The following SNRPA variants were observed in gnomAD, a reference collection of about 807,000 sequenced individuals.
SNRPA encodes small nuclear ribonucleoprotein polypeptide A.
In SNRPA, 10 loss-of-function variants were observed where a neutral mutation model predicts 24.5. The observed-to-expected ratio is 0.41, with a 90% CI of 0.25 to 0.69. The LOEUF is 0.69. SNRPA is among the 30% of genes least tolerant of loss of function. SNRPA has a pLI of 0.33. For synonymous variants in SNRPA, 165 were observed against 148.4 expected, an observed-to-expected ratio of 1.11 and a Z score of -0.81; for missense variants, 283 against 394.7, an observed-to-expected ratio of 0.72 and a Z score of 2.40.
At chr19:40,763,512 A>T (rs1327231442) in intron 4 of SNRPA, 75 bp from the exon 5 acceptor site, 8 of 1,088,174 alleles carry the variant, frequency 7.4e-6, no homozygotes, top group Admixed American at 1.7e-5. Flanking sequence ...TGAGGGATGG[A>T]GGAAGTGGCA....
intron 3 of SNRPA, among the ~76,000 whole-genome samples, chr19:40,760,719 G>A (rs2082927766): frequency 6.6e-6 from 1 of 152,112 alleles, no homozygotes; most frequent in Admixed American, 6.5e-5. Context: ...TAGGAGGATT[G>A]CTTTAGGTCA....
In SNRPA at chr19:40,764,962, G is replaced by A. The variant is rs557978507; in HGVS notation, c.690-46G>A. The A allele has an allele frequency of 1.7e-5, 25 of 1,484,486 alleles. No individual in the cohort carries two copies. The South Asian group carries it at 2.1e-4, about 12-fold the overall frequency. The allele number at this position is 1,484,486 out of a possible 1,614,324, so 92.0% of individuals were successfully genotyped here. On this transcript the variant is annotated intron_variant, in intron 5 of 5. Transcript: ENST00000243563. ...GCCTCTGTCCACTTGATGCCGTTAC[G>A]TTAGGGGGAAATGCTGAGTCCCTGA...
intron 3 of SNRPA, among the ~76,000 whole-genome samples, chr19:40,761,458 CTTTTTTTTTTTTTT>C (rs200242370): frequency 1.2e-5 from 1 of 85,874 alleles, no homozygotes; most frequent in South Asian, 4.6e-4. Flanking sequence ...TTTTCTTTTT[CTTTTTTTTTTTTTT>C]TTTTTTTTTT....
intron 1 of SNRPA, among the ~76,000 whole-genome samples, chr19:40,753,382 ATGTTTTTTTTTTTTT>A (rs2082892898): frequency 1.6e-5 from 1 of 62,184 alleles, no homozygotes. Context: ...AATTTTGCAT[ATGTTTTTTTTTTTTT>A]TTTTTTTTTT....
At chr19:40,763,967 T>C (rs897452452) in intron 5 of SNRPA, among the ~76,000 whole-genome samples, 6 of 152,058 alleles carry the variant, frequency 3.9e-5, no homozygotes, top group African/African-American at 1.5e-4. Context: ...GCCCCTAAAA[T>C]GGGGGCATGC....
intron 1 of SNRPA, 56 bp downstream of exon 1, chr19:40,751,537 T>C: frequency 8.1e-7 from 1 of 1,240,974 alleles, no homozygotes; most frequent in Non-Finnish European, 1.2e-6. Context: ...TGGCCCCTCT[T>C]CCGTCCCCTG....
rs542629796 is a variant in SNRPA at position 40,760,989 on chromosome 19, G to A, written c.426+1379G>A. On this transcript the variant is annotated intron_variant, in intron 3 of 5. Coordinates refer to ENST00000243563, the MANE Select transcript of SNRPA (RefSeq NM_004596.5). ...TGTTTTTTTTCGGGAGGGAGTCTCA[G>A]TCAATCTGTCTCCCCAGGCTGGAAT... is the stretch of plus-strand genomic sequence containing the variant. 6.6e-5 allele frequency among the ~76,000 whole-genome samples: 10 copies of A among 151,922 alleles called. No homozygotes were observed. In the East Asian group the frequency reaches 1.9e-3, roughly 29 times the overall value.
intron 1 of SNRPA, among the ~76,000 whole-genome samples, chr19:40,755,628 G>A (rs1226306491): frequency 6.6e-6 from 1 of 151,980 alleles, no homozygotes; most frequent in Non-Finnish European, 1.5e-5. Flanking sequence ...TGCCCACCTC[G>A]GCCTCCCAGA....
intron 2 of SNRPA, among the ~76,000 whole-genome samples, chr19:40,758,011 G>A (rs1212550272): frequency 1.3e-5 from 2 of 151,690 alleles, no homozygotes; most frequent in African/African-American, 4.8e-5. Flanking sequence ...CTGTTGCCCA[G>A]GCTGGAGTGC....
chr19:40,756,803 T>G (rs960823650), intron 1 of SNRPA, among the ~76,000 whole-genome samples: 3 of 152,102 alleles, frequency 2.0e-5, no homozygotes, highest in African/African-American at 7.2e-5. Context: ...GTGGCAACAT[T>G]TCCTCTGAGA....
chr19:40,763,263 C>T lies in SNRPA; in HGVS notation c.600+189C>T, dbSNP rs186198491. On this transcript the variant is annotated intron_variant, in intron 4 of 5. Transcript: ENST00000243563. The stretch of plus-strand genomic sequence containing the variant: ...GAATTGGCATGCTGGTTGGAGGGTA[C>T]GGAAGGTTAGGGTAGGCTGGAGTGG... 5.2e-4 allele frequency: 313 copies of T among 599,122 alleles called. 1 individual carries two copies. Among genetic ancestry groups the T allele is most frequent in the South Asian group, 2.3e-3 (113 of 48,952 alleles). The allele number at this position is 599,122 out of a possible 1,614,324, so 37.1% of individuals were successfully genotyped here.
chr19:40,757,754 G>C (rs1281774650), intron 2 of SNRPA, among the ~76,000 whole-genome samples: 1 of 151,620 alleles, frequency 6.6e-6, no homozygotes, highest in African/African-American at 2.4e-5. Flanking sequence ...GCCAGCCTGG[G>C]CAACACCGTG....
intron 1 of SNRPA, among the ~76,000 whole-genome samples, chr19:40,753,745 G>T (rs2082895964): frequency 6.6e-6 from 1 of 151,634 alleles, no homozygotes; most frequent in African/African-American, 2.4e-5. Flanking sequence ...GGCAGTGCTG[G>T]GGACACATTG....
At chr19:40,757,212 CT>C (rs2082912086) in intron 1 of SNRPA, 119 bp from the exon 2 acceptor site, 1 of 884,428 alleles carries the variant, frequency 1.1e-6, no homozygotes, top group Admixed American at 2.3e-5. Context: ...ATTGTTAGGT[CT>C]TGAGAGATTA....
At chr19:40,751,563 C>A (rs1231762652) in intron 1 of SNRPA, 82 bp downstream of exon 1, 1 of 1,047,536 alleles carries the variant, frequency 9.5e-7, no homozygotes, top group Non-Finnish European at 1.5e-6. Flanking sequence ...GCCTCTCTTT[C>A]TAAGTGTTTG....
rs200242370 is a variant in SNRPA, at chr19:40,761,458, C to CTTT, written c.427-1419_427-1417dup. On this transcript the variant is annotated intron_variant, in intron 3 of 5. Transcript: ENST00000243563. ...TCTCTTTTCTTTTCTTTTTCTTTTT[C>CTTT]TTTTTTTTTTTTTTTTTTTTTTTTT... Among the ~76,000 whole-genome samples, 95 of 85,870 alleles carry CTTT rather than the reference C, an allele frequency of 1.1e-3. 9 individuals are homozygous for CTTT. Among genetic ancestry groups the CTTT allele is most frequent in the South Asian group, 1.4e-3 (3 of 2,172 alleles). The allele number at this position is 85,870 out of a possible 152,430, so 56.3% of individuals were successfully genotyped here.
rs565232710 is a variant in SNRPA at position 40,755,300 on chromosome 19, G to A, written c.74-2032G>A. 2.3e-5 allele frequency among the ~76,000 whole-genome samples: 3 copies of A among 129,654 alleles called. No homozygotes were observed. The South Asian group carries it at 7.0e-4, about 30-fold the overall frequency. The allele number at this position is 129,654 out of a possible 152,430, so 85.1% of individuals were successfully genotyped here. On this transcript the variant is annotated intron_variant, in intron 1 of 5. Transcript: ENST00000243563. ...TTTTTTTGGCATTTTTAGTCAAGAC[G>A]GGGTTTCACCGTCTTGGCCAGGCTG...
intron 1 of SNRPA, among the ~76,000 whole-genome samples, chr19:40,754,998 G>A (rs1047056690): frequency 4.0e-5 from 6 of 148,300 alleles, no homozygotes; most frequent in Non-Finnish European, 7.5e-5. Flanking sequence ...CTTGACTGCT[G>A]TCCCTGCCCC....
At position 40,757,381 on chromosome 19, in the gene SNRPA, G is replaced by A. The variant is rs777302944; in HGVS notation, c.123G>A (p.Leu41=). 1 of 1,614,084 alleles carries A rather than the reference G, an allele frequency of 6.2e-7. No individual in the cohort carries two copies. The highest frequency in any genetic ancestry group is 8.5e-7 in the Non-Finnish European group (1 of 1,180,008). Residue 41 remains leucine (L), a synonymous_variant, in exon 2 of 6, where the codon CTG becomes CTA. Coordinates refer to ENST00000243563, the MANE Select transcript of SNRPA (RefSeq NM_004596.5). Reference sequence around the variant, plus strand: ...TCTTCTCCCAGTTTGGCCAGATCCTGGATATCCTGGTATCACGGAGCCTGA... The same window carrying A: ...TCTTCTCCCAGTTTGGCCAGATCCTAGATATCCTGGTATCACGGAGCCTGA... The part of the protein sequence containing the change: ...YAIFSQFGQI[L]DILVSRSLKM...
Sources: allele counts gnomAD v4.1 joint callset (sites outside exome capture counted in the v4.1 genomes callset), GRCh38; gene constraint gnomAD v4.1.1; transcripts MANE v1.5; gene names NCBI Gene and HGNC (gene_info 2026-07-23, HGNC 2026-07-21).